PCDH15: variants seen among roughly 807,000 people sequenced by gnomAD.
PCDH15 encodes protocadherin-15.
In PCDH15, 129 loss-of-function variants were observed where a neutral mutation model predicts 178.5. That is an observed-to-expected ratio of 0.72 (90% confidence interval 0.63 to 0.84). PCDH15 has a LOEUF of 0.84. Among genes scored for constraint, PCDH15 ranks in the 40% least tolerant of loss-of-function variants. The pLI, the probability that PCDH15 is intolerant of heterozygous loss-of-function variation, is 0.00. For synonymous variants in PCDH15, 800 were observed against 732.0 expected, an observed-to-expected ratio of 1.09 and a Z score of -1.50; for missense variants, 2,230 against 2,099.9, an observed-to-expected ratio of 1.06 and a Z score of -1.21.
chr10:54,832,207 A>G (rs1284451975), intron 3 of PCDH15, among the ~76,000 whole-genome samples: 1 of 152,154 alleles, frequency 6.6e-6, no homozygotes, highest in African/African-American at 2.4e-5. Flanking sequence ...GATTTGGAAC[A>G]GGATGAGGAA....
intron 2 of PCDH15, among the ~76,000 whole-genome samples, chr10:55,129,600 C>T (rs1384458294): frequency 6.6e-6 from 1 of 152,094 alleles, no homozygotes; most frequent in Non-Finnish European, 1.5e-5. Flanking sequence ...GTATCTTTTC[C>T]TGCTAAAACC....
chr10:55,096,519 G>A (rs1474522659), intron 2 of PCDH15, among the ~76,000 whole-genome samples: 2 of 151,968 alleles, frequency 1.3e-5, no homozygotes, highest in Non-Finnish European at 2.9e-5. Flanking sequence ...TCTACTTTTA[G>A]CAAATTTCAA....
intron 1 of PCDH15, among the ~76,000 whole-genome samples, chr10:54,785,448 C>T (rs1175885835): frequency 1.3e-5 from 2 of 151,952 alleles, no homozygotes; most frequent in African/African-American, 2.4e-5. Context: ...GTATACAATT[C>T]CTGAGAGACT....
chr10:55,316,621 C>T (rs1843728634), intron 1 of PCDH15, among the ~76,000 whole-genome samples: 1 of 152,008 alleles, frequency 6.6e-6, no homozygotes, highest in Admixed American at 6.6e-5. Flanking sequence ...TTAATGAAGA[C>T]AGATTTTATA....
At chr10:54,762,391 T>C (rs1258611849) in intron 1 of PCDH15, among the ~76,000 whole-genome samples, 2 of 152,144 alleles carry the variant, frequency 1.3e-5, no homozygotes, top group South Asian at 2.1e-4. Flanking sequence ...AAAAAGTAGA[T>C]TGCAATATCT....
chr10:54,315,060 G>A (rs2061156901), intron 8 of PCDH15, among the ~76,000 whole-genome samples: 1 of 152,152 alleles, frequency 6.6e-6, no homozygotes, highest in Non-Finnish European at 1.5e-5. Flanking sequence ...CCCAGTAATA[G>A]GACTGCTGGA....
intron 2 of PCDH15, among the ~76,000 whole-genome samples, chr10:55,464,412 G>A (rs1445236892): frequency 4.6e-5 from 7 of 151,618 alleles, no homozygotes; most frequent in Non-Finnish European, 1.0e-4. Flanking sequence ...GGAAAACAAT[G>A]AAAGAAAAAA....
rs186467705 is a variant in PCDH15, at chr10:54,064,822, G to T, written c.2220+1935C>A. Among the ~76,000 whole-genome samples, 104 of 152,282 alleles carry T rather than the reference G, an allele frequency of 6.8e-4. No homozygotes were observed. The East Asian group carries it at 0.018, about 26-fold the overall frequency. On this transcript the variant is annotated intron_variant, in intron 18 of 37. Transcript: ENST00000644397. ...CACTTCCGACTCTGTGGGGGCAGGG[G>T]AGCTTCCTGGATCCCTGAGAGCACA...
intron 3 of PCDH15, among the ~76,000 whole-genome samples, chr10:54,447,554 A>G (rs1416242283): frequency 6.6e-6 from 1 of 151,708 alleles, no homozygotes; most frequent in Non-Finnish European, 1.5e-5. Context: ...GTTGTTGCAC[A>G]TGACAGGATT....
chr10:54,285,354 T>G (rs557955892), intron 8 of PCDH15, among the ~76,000 whole-genome samples: 28 of 150,936 alleles, frequency 1.9e-4, no homozygotes, highest in Non-Finnish European at 3.7e-4. Flanking sequence ...CCAAAATATA[T>G]AAGGAACTCA....
At chr10:55,537,583 G>A (rs1396575478) in intron 2 of PCDH15, among the ~76,000 whole-genome samples, 1 of 151,904 alleles carries the variant, frequency 6.6e-6, no homozygotes, top group Non-Finnish European at 1.5e-5. Flanking sequence ...TTACAGGCAC[G>A]TGCCATCACA....
chr10:53,894,202 A>G (rs34706129), intron 26 of PCDH15, among the ~76,000 whole-genome samples: 12,965 of 152,252 alleles, frequency 0.085, 611 homozygotes, highest in East Asian at 0.13. Context: ...CAGATAAACG[A>G]TAACAGTATA....
chr10:55,470,310 C>T (rs2132106014), intron 2 of PCDH15, among the ~76,000 whole-genome samples: 1 of 151,662 alleles, frequency 6.6e-6, no homozygotes, highest in Middle Eastern at 3.4e-3. Flanking sequence ...GGTGCCACTG[C>T]ACTCCAGCCT....
At chr10:55,393,289 C>A (rs1837844499) in intron 2 of PCDH15, among the ~76,000 whole-genome samples, 1 of 152,076 alleles carries the variant, frequency 6.6e-6, no homozygotes, top group Non-Finnish European at 1.5e-5. Context: ...CCCAATAATT[C>A]ATATTTCAAA....
intron 1 of PCDH15, among the ~76,000 whole-genome samples, chr10:54,781,979 T>C (rs1289519885): frequency 2.0e-5 from 3 of 152,128 alleles, no homozygotes; most frequent in Non-Finnish European, 2.9e-5. Context: ...AAAAACTCAT[T>C]GGCAAATAAT....
chr10:55,189,166 T>C (rs892376844), intron 1 of PCDH15, among the ~76,000 whole-genome samples: 5 of 151,852 alleles, frequency 3.3e-5, no homozygotes, highest in African/African-American at 1.2e-4. Flanking sequence ...TCTGTTCCTC[T>C]CAAGAAGGGT....
At chr10:55,283,858 C>T (rs1428184702) in intron 1 of PCDH15, among the ~76,000 whole-genome samples, 1 of 152,048 alleles carries the variant, frequency 6.6e-6, no homozygotes, top group South Asian at 2.1e-4. Flanking sequence ...AGAAGAACAA[C>T]TCATAGAAAT....
chr10:54,893,442 A>T (rs978326563), intron 3 of PCDH15, among the ~76,000 whole-genome samples: 1 of 152,004 alleles, frequency 6.6e-6, no homozygotes, highest in African/African-American at 2.4e-5. Context: ...TATTTGTGTG[A>T]GGTAAGTCCT....
Position 55,197,557 on chromosome 10 carries a change from T to C in PCDH15, c.-155-30906A>G, listed in dbSNP as rs541000081. ...TCTTAAAAATGCCATAATGTCAGTA[T>C]AACACAATAATTTTTTGATTCTGGG... On this transcript the variant is annotated intron_variant, in intron 1 of 5. Transcript: ENST00000458638. Among the ~76,000 whole-genome samples the C allele has an allele frequency of 1.4e-4, 22 of 152,216 alleles. No homozygotes were observed. In the East Asian group the frequency reaches 2.5e-3, roughly 17 times the overall value.
Sources: allele counts gnomAD v4.1 joint callset (sites outside exome capture counted in the v4.1 genomes callset), GRCh38; gene constraint gnomAD v4.1.1; transcripts MANE v1.5; gene names NCBI Gene and HGNC (gene_info 2026-07-23, HGNC 2026-07-21).